SCLY: variants seen among roughly 807,000 people sequenced by gnomAD.
SCLY encodes the protein putative selenocysteine lyase.
SCLY carries 38 observed loss-of-function variants against 50.1 expected under a neutral mutation model. That is an observed-to-expected ratio of 0.76 (90% CI 0.59 to 0.99). The LOEUF (loss-of-function observed/expected upper bound fraction) is 0.99. Among genes scored for constraint, SCLY ranks in the 50% least tolerant of loss-of-function variants. SCLY has a pLI of 0.00. For missense variants in SCLY, 600 were observed against 620.0 expected (o/e 0.97, Z 0.34); for synonymous variants, 243 against 249.4 (o/e 0.97, Z 0.24).
chr2:238,093,820 T>C, intron 8 of SCLY, 41 bp from the exon 9 acceptor site: 2 of 1,582,914 alleles, frequency 1.3e-6, no homozygotes, highest in South Asian at 1.1e-5. Context: ...TCCTTTATTT[T>C]GCAAGAATTG....
chr2:238,094,778 C>A (rs1029351633), intron 10 of SCLY: 6 of 436,014 alleles, frequency 1.4e-5, no homozygotes, highest in Non-Finnish European at 2.0e-5. Flanking sequence ...GGCAAACTCT[C>A]GTGTCTGGCA....
chr2:238,069,311 A>G lies in SCLY; in HGVS notation c.318A>G (p.Val106=). 6.2e-7 allele frequency: 1 copy of G among 1,613,462 alleles called. No individual in the cohort carries two copies. Among genetic ancestry groups the G allele is most frequent in the Non-Finnish European group, 8.5e-7 (1 of 1,179,728 alleles). The change falls in exon 4 of 12, where the codon GTA becomes GTG. Residue 106 remains valine, a synonymous_variant. Transcript: ENST00000254663. The surrounding 1 kb of genome is among the most constrained non-coding windows in gnomAD (Gnocchi z 5.0). ...TSGGTESNNL[V]IHSVVKHFHA... ...TATCTCTGCAGTCAAATAATTTAGT[A>G]ATCCATTCTGTGGTGAAACATTTCC...
chr2:238,094,571 G>C, intron 10 of SCLY, 49 bp downstream of exon 10: 3 of 1,472,460 alleles, frequency 2.0e-6, no homozygotes, highest in South Asian at 1.1e-5. Context: ...CAGCTCCCTC[G>C]GTGCGTGGAT....
Position 238,065,658 on chromosome 2 carries a change from A to ATTT in SCLY, c.202+1191_202+1193dup, listed in dbSNP as rs869218137. ...TTGTTATTTAAACTAATAATATTTT[A>ATTT]TTTTATTATTATTATTATTATTATT... On this transcript the variant is annotated intron_variant, in intron 2 of 11. Transcript: ENST00000254663. Among the ~76,000 whole-genome samples the ATTT allele has an allele frequency of 8.9e-4, 53 of 59,724 alleles. 1 individual carries two copies. The highest frequency in any genetic ancestry group is 2.7e-3 in the Admixed American group (14 of 5,130). The allele number at this position is 59,724 out of a possible 152,430, so 39.2% of individuals were successfully genotyped here.
rs1309233692 is a variant in SCLY at position 238,098,317 on chromosome 2, C to T, written c.1300C>T (p.Leu434=). 5 of 1,606,174 alleles carry T rather than the reference C, an allele frequency of 3.1e-6. No homozygotes were observed. The highest frequency in any genetic ancestry group is 4.2e-6 in the Non-Finnish European group (5 of 1,178,912). ...CGAGGTGGACCTCGTCGTGCAGGAC[C>T]TGAAGCAGGCCGTGGCGCAGCTGGA... ...RAEVDLVVQD[L]KQAVAQLEDQ... Residue 434 remains leucine (L), a synonymous_variant, in exon 12 of 12, where the codon CTG becomes TTG. Coordinates refer to ENST00000254663, the MANE Select transcript of SCLY (RefSeq NM_016510.7).
intron 2 of SCLY, 184 bp downstream of exon 2, chr2:238,064,653 C>T: frequency 6.4e-6 from 3 of 467,226 alleles, no homozygotes; most frequent in Non-Finnish European, 7.7e-6. Flanking sequence ...TGAGCCTTGT[C>T]GATACTGTAA....
chr2:238,081,762 A>G lies in SCLY; in HGVS notation c.538A>G (p.Ile180Val), dbSNP rs142000722. ...KVSGQAEVDD[I>V]LAAVRPTTRL... ...GAGCGGGCAGGCAGAGGTGGACGAC[A>G]TCCTCGCGGCAGTCCGCCCGACCAC... Residue 180 changes from isoleucine (I) to valine (V), a missense_variant, in exon 5 of 12, where the codon ATC (isoleucine) becomes GTC (valine). Ile to Val is a conservative substitution (Grantham distance 29). Transcript: ENST00000254663. The G allele has an allele frequency of 3.3e-5, 54 of 1,614,098 alleles. No individual in the cohort carries two copies. The highest frequency in any genetic ancestry group is 4.2e-5 in the Non-Finnish European group (50 of 1,180,042).
At chr2:238,073,766 T>C (rs563495915) in intron 4 of SCLY, 1 of 467,060 alleles carries the variant, frequency 2.1e-6, no homozygotes, top group Non-Finnish European at 4.4e-6. Context: ...ACCCCTCTTC[T>C]TCTTCCTCCT....
intron 1 of SCLY, among the ~76,000 whole-genome samples, chr2:238,062,760 A>G (rs899971606): frequency 6.6e-6 from 1 of 152,224 alleles, no homozygotes; most frequent in Non-Finnish European, 1.5e-5. Context: ...ACTAATGCAC[A>G]TTCTGTCCAC....
intron 7 of SCLY, among the ~76,000 whole-genome samples, chr2:238,090,121 C>T (rs1284630718): frequency 2.0e-5 from 3 of 152,022 alleles, no homozygotes; most frequent in Non-Finnish European, 4.4e-5. Flanking sequence ...AAAATATAAA[C>T]AGACATTTCA....
In SCLY at chr2:238,094,430, G is replaced by C. The variant is rs760772951; in HGVS notation, c.1016G>C (p.Gly339Ala). 2.5e-6 allele frequency: 4 copies of C among 1,613,526 alleles called. No homozygotes were observed. Among genetic ancestry groups the C allele is most frequent in the Non-Finnish European group, 1.7e-6 (2 of 1,179,588 alleles). ...YLEERLEAEF[G>A]QKRIHLNSQF... ...ACTTATTTTTTTCAGGCTGAATTCG[G>C]TCAGAAGAGAATCCATCTGAATAGC... is the stretch of plus-strand genomic sequence containing the variant. The change falls in exon 10 of 12, where the codon GGT becomes GCT. Residue 339 changes from glycine (G) to alanine (A), a missense_variant. Gly to Ala is a moderately conservative substitution (Grantham distance 60). Transcript: ENST00000254663.
intron 9 of SCLY, 42 bp downstream of exon 9, chr2:238,093,986 G>A (rs750602539): frequency 2.5e-5 from 39 of 1,548,034 alleles, no homozygotes; most frequent in Admixed American, 2.1e-4. Flanking sequence ...GGGAGGGTGC[G>A]TGGGGCAGGT....
intron 7 of SCLY, among the ~76,000 whole-genome samples, chr2:238,084,755 G>A (rs796608321): frequency 1.4e-4 from 21 of 151,320 alleles, no homozygotes; most frequent in African/African-American, 4.6e-4. Flanking sequence ...TTAGCCAGGC[G>A]TGGTGGTGTG....
chr2:238,093,906 A>G lies in SCLY; in HGVS notation c.967A>G (p.Met323Val), dbSNP rs1479880678. 3.7e-6 allele frequency: 6 copies of G among 1,614,050 alleles called. No individual in the cohort carries two copies. The Middle Eastern group carries it at 4.9e-4, about 133-fold the overall frequency. ...TQNCEAYEAH[M>V]RDVRDYLEER... Reference sequence around the variant, plus strand: ...GAACTGCGAGGCTTATGAGGCCCACATGAGGGACGTCCGCGACTACCTGGA... The same window carrying G: ...GAACTGCGAGGCTTATGAGGCCCACGTGAGGGACGTCCGCGACTACCTGGA... Residue 323 changes from methionine (M) to valine (V), a missense_variant, in exon 9 of 12, where the codon ATG (methionine) becomes GTG (valine). Coordinates refer to ENST00000254663, the MANE Select transcript of SCLY (RefSeq NM_016510.7).
intron 7 of SCLY, among the ~76,000 whole-genome samples, chr2:238,084,590 CA>C (rs539648649): frequency 0.011 from 484 of 44,652 alleles, 2 homozygotes; most frequent in African/African-American, 0.045. Context: ...GACTCTGTCT[CA>C]AAAAAAAAAA....
intron 10 of SCLY, among the ~76,000 whole-genome samples, chr2:238,096,525 G>C (rs1255971678): frequency 6.6e-6 from 1 of 152,252 alleles, no homozygotes; most frequent in African/African-American, 2.4e-5. Context: ...CAGGACTCCA[G>C]GTGTCTTAGC....
At chr2:238,094,779 G>C (rs145501870) in intron 10 of SCLY, 4 of 437,300 alleles carry the variant, frequency 9.1e-6, no homozygotes, top group Admixed American at 8.2e-5. Context: ...GCAAACTCTC[G>C]TGTCTGGCAT....
Position 238,082,064 on chromosome 2 carries a change from A to G in SCLY, c.632A>G (p.Gln211Arg). 6.2e-7 allele frequency: 1 copy of G among 1,613,572 alleles called. No homozygotes were observed. The highest frequency in any genetic ancestry group is 8.5e-7 in the Non-Finnish European group (1 of 1,179,572). ...GIVMPVPEIS[Q>R]RIKALNQERV... ...CGTCAGCCTGTCCCTGAAATCAGTCAGCGCATTAAAGCCCTGAACCAGGAA... is the reference window on the plus strand; with the variant it reads ...CGTCAGCCTGTCCCTGAAATCAGTCGGCGCATTAAAGCCCTGAACCAGGAA... Residue 211 changes from glutamine to arginine, a missense_variant, in exon 6 of 12, where the codon CAG becomes CGG. By Grantham distance (43) the Gln-to-Arg change is conservative (BLOSUM62 1). Transcript: ENST00000254663.
In SCLY at chr2:238,098,577, G is replaced by GGGAACGCCCACATGGGAACGCCCACATA. The variant is rs1559254371; in HGVS notation, c.*225_*226insACGCCCACATGGGAACGCCCACATAGGA. 0.017 allele frequency: 5,536 copies of GGGAACGCCCACATGGGAACGCCCACATA among 334,284 alleles called. 429 individuals carry two copies. The highest frequency in any genetic ancestry group is 0.032 in the African/African-American group (696 of 21,802). 20.7% of individuals were successfully genotyped at this position (334,284 alleles called of 1,614,324 possible). A position where few individuals can be genotyped will look rare whatever the true frequency, so the allele number is the denominator to read the frequency against. On this transcript the variant is annotated 3_prime_UTR_variant, in exon 12 of 12. Transcript: ENST00000254663. ...CAACGCCGCATAGGACTGCCCACAT[G>GGGAACGCCCACATGGGAACGCCCACATA]GGACCGCCCACATAGGACCGCCCAC... is the stretch of plus-strand genomic sequence containing the variant.
Sources: allele counts gnomAD v4.1 joint callset (sites outside exome capture counted in the v4.1 genomes callset), GRCh38; gene constraint gnomAD v4.1.1; non-coding constraint Gnocchi (gnomAD v3.1); transcripts MANE v1.5; gene names NCBI Gene and HGNC (gene_info 2026-07-23, HGNC 2026-07-21).